DENND1B: variants seen among roughly 807,000 people sequenced by gnomAD.
The protein encoded by DENND1B is DENN domain-containing protein 1B.
A neutral mutation model predicts 90.1 loss-of-function variants in DENND1B; 59 were observed. That is an observed-to-expected ratio of 0.65 (90% CI 0.53 to 0.81). The LOEUF (loss-of-function observed/expected upper bound fraction) is 0.81, where lower values mean the gene tolerates loss of function less well. Ranked by LOEUF, DENND1B falls within the 40% of genes least tolerant of loss-of-function variation. The pLI is 0.00. For missense variants in DENND1B, 862 were observed against 912.6 expected (o/e 0.94, Z 0.71); for synonymous variants, 337 against 324.6 (o/e 1.04, Z -0.41).
rs980237257 is a variant in DENND1B, at chr1:197,735,025, C to G, written c.83-19951G>C. The G allele has an allele frequency of 7.1e-6, 7 of 985,278 alleles. No homozygotes were observed. The African/African-American group carries it at 1.2e-4, about 17-fold the overall frequency. The allele number at this position is 985,278 out of a possible 1,614,324, so 61.0% of individuals were successfully genotyped here. A position where few individuals can be genotyped will look rare whatever the true frequency, so the allele number is the denominator to read the frequency against. On this transcript the variant is annotated intron_variant, in intron 2 of 22. Coordinates refer to ENST00000620048, the MANE Select transcript of DENND1B (RefSeq NM_001195215.2). ...GGCAGAAAATGTTAAATATTTCATT[C>G]CTACTTCTGTAGAAAAAGCGGACAA...
At chr1:197,630,643 AT>A (rs1296269441) in intron 10 of DENND1B, among the ~76,000 whole-genome samples, 1 of 152,212 alleles carries the variant, frequency 6.6e-6, no homozygotes, top group East Asian at 1.9e-4. Context: ...ATCATCTCAC[AT>A]TTAGTCACTG....
intron 3 of DENND1B, among the ~76,000 whole-genome samples, chr1:197,691,510 T>C (rs1341818154): frequency 6.6e-6 from 1 of 151,756 alleles, no homozygotes; most frequent in South Asian, 2.1e-4. Context: ...TTGTATACTG[T>C]TGGTGGGAAT....
At chr1:197,629,237 T>C (rs986933583) in intron 10 of DENND1B, among the ~76,000 whole-genome samples, 4 of 152,024 alleles carry the variant, frequency 2.6e-5, no homozygotes, top group Admixed American at 2.0e-4. Flanking sequence ...CATATGTTTA[T>C]TGCGGCACTA....
intron 5 of DENND1B, among the ~76,000 whole-genome samples, chr1:197,661,303 A>G (rs567150631): frequency 2.6e-5 from 4 of 152,232 alleles, no homozygotes; most frequent in South Asian, 4.1e-4. Context: ...TGCATTCACT[A>G]TAACTCAAAG....
chr1:197,520,252 G>A (rs1668679278), intron 20 of DENND1B, among the ~76,000 whole-genome samples: 1 of 151,842 alleles, frequency 6.6e-6, no homozygotes, highest in Non-Finnish European at 1.5e-5. Flanking sequence ...ATGCTGTGAA[G>A]CATAACAAAA....
At chr1:197,665,101 A>G (rs1654809399) in intron 5 of DENND1B, among the ~76,000 whole-genome samples, 1 of 152,146 alleles carries the variant, frequency 6.6e-6, no homozygotes, top group Admixed American at 6.6e-5. Context: ...CATGTCATAG[A>G]AAGAACAAAA....
intron 3 of DENND1B, among the ~76,000 whole-genome samples, chr1:197,688,450 A>G (rs1657489112): frequency 1.3e-5 from 2 of 152,162 alleles, no homozygotes; most frequent in Admixed American, 1.3e-4. Flanking sequence ...TTAAAACAGT[A>G]CGGTACTGGC....
chr1:197,744,565 C>T (rs1663527398), intron 2 of DENND1B, among the ~76,000 whole-genome samples: 1 of 152,192 alleles, frequency 6.6e-6, no homozygotes, highest in Non-Finnish European at 1.5e-5. Context: ...ATGCTACAAA[C>T]AGATGTGCTG....
At chr1:197,601,730 C>A (rs1676229794) in intron 13 of DENND1B, among the ~76,000 whole-genome samples, 1 of 151,470 alleles carries the variant, frequency 6.6e-6, no homozygotes, top group Non-Finnish European at 1.5e-5. Flanking sequence ...ATTACCAAAG[C>A]CTGGATCATT....
chr1:197,539,702 A>T (rs1362176930), intron 20 of DENND1B, among the ~76,000 whole-genome samples: 4 of 152,156 alleles, frequency 2.6e-5, no homozygotes, highest in African/African-American at 4.8e-5. Context: ...TAAGAATCAC[A>T]CATTCAATTG....
chr1:197,772,650 T>TG (rs1656766118), intron 2 of DENND1B, among the ~76,000 whole-genome samples: 3 of 152,142 alleles, frequency 2.0e-5, no homozygotes, highest in Admixed American at 6.5e-5. Flanking sequence ...TGGTGAACCC[T>TG]GTCTCCACAA....
At position 197,506,631 on chromosome 1, in the gene DENND1B, A is replaced by T. The variant is rs1667743535; in HGVS notation, c.*3829T>A. On this transcript the variant is annotated 3_prime_UTR_variant, in exon 23 of 23. Transcript: ENST00000620048. ...TCACAGTGTTCTCCTCTTGATCAGG[A>T]GTCTACTTGTTCACCTTAATTAAGA... 1 of 151,534 alleles carries T rather than the reference A, an allele frequency of 6.6e-6. No homozygotes were observed. Among genetic ancestry groups the T allele is most frequent in the Non-Finnish European group, 1.5e-5 (1 of 67,606 alleles). The allele number at this position is 151,534 out of a possible 1,614,324, so 9.4% of individuals were successfully genotyped here. A position where few individuals can be genotyped will look rare whatever the true frequency, so the allele number is the denominator to read the frequency against.
At chr1:197,567,832 A>G (rs1394016439) in intron 15 of DENND1B, among the ~76,000 whole-genome samples, 1 of 152,178 alleles carries the variant, frequency 6.6e-6, no homozygotes, top group South Asian at 2.1e-4. Flanking sequence ...GGAAAAATAT[A>G]ACAAGTTCAC....
intron 10 of DENND1B, among the ~76,000 whole-genome samples, chr1:197,629,653 T>C (rs1300469368): frequency 6.6e-6 from 1 of 151,854 alleles, no homozygotes; most frequent in African/African-American, 2.4e-5. Context: ...ATTGTGCACA[T>C]GTGCCCTAAA....
intron 20 of DENND1B, 88 bp downstream of exon 20, chr1:197,539,876 T>C: frequency 9.0e-7 from 1 of 1,114,906 alleles, no homozygotes; most frequent in Non-Finnish European, 1.3e-6. Context: ...AGATAAAAAA[T>C]TAGTGGATCC....
At chr1:197,687,347 C>T (rs756523630) in intron 3 of DENND1B, among the ~76,000 whole-genome samples, 5 of 152,084 alleles carry the variant, frequency 3.3e-5, no homozygotes, top group East Asian at 3.9e-4. Flanking sequence ...TAAGTATTAT[C>T]GATGCTTCCA....
chr1:197,687,427 T>C lies in DENND1B; in HGVS notation c.127-13258A>G, dbSNP rs1572331877. On this transcript the variant is annotated intron_variant, in intron 3 of 22. Coordinates refer to ENST00000620048, the MANE Select transcript of DENND1B (RefSeq NM_001195215.2). ...TACTTTGATATTTTAACCAGAATGT[T>C]TGAAGAAATAAAACACATTATGTCT... Among the ~76,000 whole-genome samples, 7 of 152,306 alleles carry C rather than the reference T, an allele frequency of 4.6e-5. 1 individual carries two copies. The highest frequency in any genetic ancestry group is 4.6e-4 in the Admixed American group (7 of 15,292).
intron 13 of DENND1B, among the ~76,000 whole-genome samples, chr1:197,598,696 T>TA (rs1391407518): frequency 3.3e-5 from 5 of 151,894 alleles, no homozygotes; most frequent in Non-Finnish European, 7.4e-5. Context: ...ATATGGCTAT[T>TA]ATCACATAAT....
At chr1:197,773,158 G>A in intron 1 of DENND1B, 1 of 527,948 alleles carries the variant, frequency 1.9e-6, no homozygotes, top group Non-Finnish European at 3.4e-6. Context: ...TTTAAACGCT[G>A]AGACTGTTCT....
Sources: gnomAD v4.1 joint callset for allele counts (sites outside exome capture counted in the v4.1 genomes callset) on GRCh38, gnomAD v4.1.1 for gene constraint, MANE v1.5 for transcripts, NCBI Gene and HGNC (gene_info 2026-07-23, HGNC 2026-07-21) for gene names.